NR1H2: variants seen among roughly 807,000 people sequenced by gnomAD.
The protein encoded by NR1H2 is oxysterols receptor LXR-beta.
A neutral mutation model predicts 51.2 loss-of-function variants in NR1H2; 33 were observed. The observed-to-expected ratio is 0.64, with a 90% confidence interval of 0.49 to 0.86. The LOEUF (loss-of-function observed/expected upper bound fraction) is 0.86, where lower values mean the gene tolerates loss of function less well. Among genes scored for constraint, NR1H2 ranks in the 40% least tolerant of loss-of-function variants. NR1H2 has a pLI of 0.00. For missense variants in NR1H2, 592 were observed against 639.9 expected (o/e 0.93, Z 0.81); for synonymous variants, 310 against 264.3 (o/e 1.17, Z -1.68).
Position 50,380,874 on chromosome 19 carries a change from C to T in NR1H2, c.1027+995C>T, listed in dbSNP as rs898141225. ...CAGGGTCCCCTTGAGGGGCCGCCTG[C>T]CTCCACCCCTGCCTGATGGGGCTGC... On this transcript the variant is annotated intron_variant, in intron 8 of 9. Transcript: ENST00000253727. Among the ~76,000 whole-genome samples, 3 of 152,302 alleles carry T rather than the reference C, an allele frequency of 2.0e-5. No individual in the cohort carries two copies. In the East Asian group the frequency reaches 5.8e-4, roughly 29 times the overall value.
chr19:50,381,352 G>A (rs907461170), intron 8 of NR1H2, among the ~76,000 whole-genome samples: 4 of 152,200 alleles, frequency 2.6e-5, no homozygotes, highest in Non-Finnish European at 4.4e-5. Context: ...TTCCCTGCCC[G>A]CCTTGTGTAA....
Position 50,378,265 on chromosome 19 carries a change from A to G in NR1H2, c.298A>G (p.Asn100Asp). ...CGDKASGFHY[N>D]VLSCEGCKGF... ...GGACAAGGCCTCCGGCTTCCACTAC[A>G]ACGTGCTCAGCTGCGAAGGCTGCAA... Residue 100 changes from asparagine (N) to aspartate (D), a missense_variant, in exon 5 of 10, where the codon AAC becomes GAC. Asn to Asp is a conservative substitution (Grantham distance 23). Around this residue, in one of 3 missense-constraint regions of NR1H2, gnomAD observed 316 missense variants for 313.4 expected, o/e 1.01. Coordinates refer to ENST00000253727, the MANE Select transcript of NR1H2 (RefSeq NM_007121.7). The G allele has an allele frequency of 6.2e-7, 1 of 1,613,588 alleles. No individual in the cohort carries two copies. The highest frequency in any genetic ancestry group is 8.5e-7 in the Non-Finnish European group (1 of 1,180,024).
At chr19:50,378,974 G>A (rs1196677567) in intron 6 of NR1H2, 28 bp from the exon 7 acceptor site, 2 of 1,584,944 alleles carry the variant, frequency 1.3e-6, no homozygotes, top group Non-Finnish European at 8.6e-7. Context: ...CAAAGACCTG[G>A]GAGTGACCCT....
At chr19:50,379,653 G>A (rs568888169) in intron 7 of NR1H2, 127 bp from the exon 8 acceptor site, 104 of 678,382 alleles carry the variant, frequency 1.5e-4, no homozygotes, top group Admixed American at 2.7e-4. Flanking sequence ...GTGTGGCTGA[G>A]AGAACAGGGG....
Position 50,378,293 on chromosome 19 carries a change from GCTT to G in NR1H2, c.331_333del (p.Phe111del), listed in dbSNP as rs1568594207. 3.1e-6 allele frequency: 5 copies of G among 1,613,336 alleles called. No individual in the cohort carries two copies. In the South Asian group the frequency reaches 5.5e-5, roughly 18 times the overall value. ...GTGCTCAGCTGCGAAGGCTGCAAGGGCTTCTTCCGGCGCAGTGTGGTCCGTGGT... is the reference window on the plus strand; with the variant it reads ...GTGCTCAGCTGCGAAGGCTGCAAGGGCTTCCGGCGCAGTGTGGTCCGTGGT... On this transcript the variant is annotated inframe_deletion, in exon 5 of 10. Coordinates refer to ENST00000253727, the MANE Select transcript of NR1H2 (RefSeq NM_007121.7).
intron 2 of NR1H2, 74 bp downstream of exon 2, chr19:50,376,900 C>G (rs1180939433): frequency 2.1e-4 from 21 of 98,340 alleles, no homozygotes; most frequent in African/African-American, 7.6e-4. Flanking sequence ...ACCTGCAGCG[C>G]GGTGCGGGGG....
In NR1H2 at chr19:50,378,383, G is replaced by C. The variant is rs772741012; in HGVS notation, c.416G>C (p.Arg139Pro). The change falls in exon 5 of 10, where the codon CGC becomes CCC. Residue 139 changes from arginine to proline, a missense_variant. Transcript: ENST00000253727. ...GTCQMDAFMRRKCQQCRLRKC... is the reference protein window; with the variant it reads ...GTCQMDAFMRPKCQQCRLRKC... ...TGCCAGATGGACGCTTTCATGCGGC[G>C]CAAGTGCCAGCAGTGCCGGCTGCGC... 1 of 1,608,444 alleles carries C rather than the reference G, an allele frequency of 6.2e-7. No individual in the cohort carries two copies. Among genetic ancestry groups the C allele is most frequent in the Non-Finnish European group, 8.5e-7 (1 of 1,176,244 alleles).
At chr19:50,379,683 T>A in intron 7 of NR1H2, 97 bp from the exon 8 acceptor site, 1 of 774,550 alleles carries the variant, frequency 1.3e-6, no homozygotes, top group South Asian at 1.4e-5. Flanking sequence ...CAAGGGATAA[T>A]CCTGGTGAGA....
chr19:50,377,179 A>G (rs75795993), intron 2 of NR1H2: 3,216 of 174,322 alleles, frequency 0.018, 114 homozygotes, highest in African/African-American at 0.071. Context: ...GCATAGTAGG[A>G]GGAGGTGGGG....
intron 8 of NR1H2, among the ~76,000 whole-genome samples, chr19:50,381,562 T>C (rs1357860639): frequency 6.6e-6 from 1 of 152,176 alleles, no homozygotes; most frequent in Non-Finnish European, 1.5e-5. Flanking sequence ...ACAAGTCAGT[T>C]TTGGGAATGA....
intron 8 of NR1H2, among the ~76,000 whole-genome samples, 189 bp from the exon 9 acceptor site, chr19:50,381,777 G>A (rs1218228571): frequency 1.3e-5 from 2 of 152,190 alleles, no homozygotes; most frequent in Non-Finnish European, 2.9e-5. Context: ...TTCCTTCACT[G>A]GGCAGCATGT....
At chr19:50,378,124 C>G in intron 4 of NR1H2, 25 bp from the exon 5 acceptor site, 2 of 1,590,950 alleles carry the variant, frequency 1.3e-6, no homozygotes, top group Non-Finnish European at 8.6e-7. Context: ...GTGGCTTTCT[C>G]ATGGCCTCTA....
At position 50,382,895 on chromosome 19, in the gene NR1H2, G is replaced by T; in HGVS notation, c.*293G>T. ...CGCAGTGCACCTTGAACAGAGGGAG[G>T]GGAGGACCCATGGCTCTCCCCCCTA... On this transcript the variant is annotated 3_prime_UTR_variant, in exon 10 of 10. Transcript: ENST00000253727. The T allele has an allele frequency of 3.2e-6, 1 of 309,514 alleles. No individual in the cohort carries two copies. Among genetic ancestry groups the T allele is most frequent in the Non-Finnish European group, 5.9e-6 (1 of 168,784 alleles). 19.2% of individuals were successfully genotyped at this position (309,514 alleles called of 1,614,324 possible).
At chr19:50,381,622 T>C (rs1320697976) in intron 8 of NR1H2, among the ~76,000 whole-genome samples, 3 of 152,208 alleles carry the variant, frequency 2.0e-5, no homozygotes, top group Admixed American at 1.3e-4. Context: ...ACCAGCACGA[T>C]GTGACCTAGG....
At chr19:50,378,867 G>T in intron 6 of NR1H2, 71 bp downstream of exon 6, 1 of 1,571,668 alleles carries the variant, frequency 6.4e-7, no homozygotes, top group Non-Finnish European at 8.6e-7. Flanking sequence ...ATCACCCAGG[G>T]TGTGGGAGAA....
chr19:50,379,927 G>T (rs1280980523), intron 8 of NR1H2, 48 bp downstream of exon 8: 1 of 1,232,990 alleles, frequency 8.1e-7, no homozygotes, highest in Non-Finnish European at 1.2e-6. Context: ...CCTGCTGGCT[G>T]GAAGACCTGG....
At chr19:50,382,263 C>G (rs888417995) in intron 9 of NR1H2, 89 bp downstream of exon 9, 2 of 1,367,696 alleles carry the variant, frequency 1.5e-6, no homozygotes, top group Non-Finnish European at 2.0e-6. Flanking sequence ...GCCACACTGC[C>G]CTCCCCTCCG....
At position 50,382,600 on chromosome 19, in the gene NR1H2, T is replaced by G. The variant is rs1246345945; in HGVS notation, c.1381T>G (p.Ter461GlyextTer26). 1 of 1,566,954 alleles carries G rather than the reference T, an allele frequency of 6.4e-7. No individual in the cohort carries two copies. The highest frequency in any genetic ancestry group is 1.8e-5 in the Admixed American group (1 of 55,042). Residue 461 changes from the stop codon to glycine, a stop_lost, in exon 10 of 10, where the codon TGA becomes GGA. Coordinates refer to ENST00000253727, the MANE Select transcript of NR1H2 (RefSeq NM_007121.7). ...GTCGGAGATCTGGGACGTCCACGAG[T>G]GAGGGGCTGGCCACCCAGCCCCACA... is the stretch of plus-strand genomic sequence containing the variant. ...LLSEIWDVHE* is the reference protein window; with the variant it reads ...LLSEIWDVHEG
chr19:50,381,874 C>T, intron 8 of NR1H2, 92 bp from the exon 9 acceptor site: 1 of 1,128,120 alleles, frequency 8.9e-7, no homozygotes. Context: ...CTGCTGTGTT[C>T]CCAGCCCCAG....
Sources: allele counts gnomAD v4.1 joint callset (sites outside exome capture counted in the v4.1 genomes callset), GRCh38; gene constraint gnomAD v4.1.1; regional missense constraint gnomAD v4.1.1; transcripts MANE v1.5; gene names NCBI Gene and HGNC (gene_info 2026-07-23, HGNC 2026-07-21).